Variants in CRYBG1 observed in about 807,000 individuals in gnomAD.
The protein encoded by CRYBG1 is crystallin beta-gamma domain containing 1, also known as beta/gamma crystallin domain-containing protein 1.
A neutral mutation model predicts 189.2 loss-of-function variants in CRYBG1; 139 were observed. The observed-to-expected ratio is 0.73, with a 90% CI of 0.64 to 0.85. CRYBG1 has a LOEUF of 0.85. Ranked by LOEUF, CRYBG1 falls within the 40% of genes least tolerant of loss-of-function variation. The pLI, the probability that CRYBG1 is intolerant of heterozygous loss-of-function variation, is 0.00. For synonymous variants in CRYBG1, 1,023 were observed against 1,017.1 expected (o/e 1.01, Z -0.11); for missense variants, 2,611 against 2,675.8 (o/e 0.98, Z 0.53).
At chr6:106,484,557 C>A (rs1177372784) in intron 2 of CRYBG1, among the ~76,000 whole-genome samples, 1 of 152,126 alleles carries the variant, frequency 6.6e-6, no homozygotes, top group African/African-American at 2.4e-5. Context: ...TGGCCTTGAG[C>A]GATCTTCCTG....
intron 2 of CRYBG1, among the ~76,000 whole-genome samples, chr6:106,460,974 A>T (rs1771998876): frequency 6.6e-6 from 1 of 152,116 alleles, no homozygotes; most frequent in Admixed American, 6.5e-5. Flanking sequence ...TTCAGTAGAG[A>T]CAGGGTTTCA....
chr6:106,513,814 G>T (rs959136214), intron 3 of CRYBG1, among the ~76,000 whole-genome samples: 1 of 152,178 alleles, frequency 6.6e-6, no homozygotes. Flanking sequence ...TATCTTGGTT[G>T]CTTCTTCCTC....
Position 106,512,766 on chromosome 6 carries a change from C to T in CRYBG1, c.1649C>T (p.Pro550Leu). The T allele has an allele frequency of 1.3e-6, 2 of 1,579,708 alleles. No homozygotes were observed. Residue 550 changes from proline (P) to leucine (L), a missense_variant, in exon 3 of 22, where the codon CCA becomes CTA. Physicochemically the swap from Pro to Leu is moderately conservative, Grantham distance 98. Transcript: ENST00000633556. ...SPPKRVPDPS[P>L]VTKGTAAESG... ...CCCAAGAGGGTGCCCGATCCCAGCC[C>T]AGTCACCAAGGGCACTGCGGCCGAG...
chr6:106,570,608 T>G lies in CRYBG1; in HGVS notation c.*2042T>G, dbSNP rs962981154. ...TTTGCTGACCACTCTCTTTCCAAAC[T>G]CCATAGTTTCTGAGTGGAAACGAGG... is the stretch of plus-strand genomic sequence containing the variant. On this transcript the variant is annotated 3_prime_UTR_variant, in exon 22 of 22. Transcript: ENST00000633556. 3.9e-5 allele frequency: 6 copies of G among 152,172 alleles called. No homozygotes were observed. Among genetic ancestry groups the G allele is most frequent in the Non-Finnish European group, 8.8e-5 (6 of 68,042 alleles). The allele number at this position is 152,172 out of a possible 1,614,324, so 9.4% of individuals were successfully genotyped here.
In CRYBG1 at chr6:106,561,486, T is replaced by C. The variant is rs774192895; in HGVS notation, c.6124T>C (p.Cys2042Arg). 1 of 1,612,642 alleles carries C rather than the reference T, an allele frequency of 6.2e-7. No individual in the cohort carries two copies. The highest frequency in any genetic ancestry group is 1.7e-5 in the Admixed American group (1 of 59,922). The part of the protein sequence containing the change: ...DDQIWIYQEG[C>R]IKCRIAEDCC... ...TCAGATTTGGATCTATCAAGAAGGA[T>C]GTATCAAATGCAGGGTGAGCTTTAG... The change falls in exon 20 of 22, where the codon TGT (cysteine) becomes CGT (arginine). Residue 2042 changes from cysteine (C) to arginine (R), a missense_variant. By Grantham distance (180) the Cys-to-Arg change is radical. Around this residue, in one of 3 missense-constraint regions of CRYBG1, gnomAD observed 1,622 missense variants for 1,735.0 expected, o/e 0.93. Transcript: ENST00000633556.
Position 106,522,562 on chromosome 6 carries a change from A to G in CRYBG1, c.4245+1109A>G, listed in dbSNP as rs377720003. 1.5e-4 allele frequency among the ~76,000 whole-genome samples: 23 copies of G among 152,320 alleles called. No homozygotes were observed. The East Asian group carries it at 2.7e-3, about 18-fold the overall frequency. On this transcript the variant is annotated intron_variant, in intron 4 of 21. Transcript: ENST00000633556. The stretch of plus-strand genomic sequence containing the variant: ...TTACCAAGCTTATTTAAGGTGAGAA[A>G]GGACTATGAGAGAGGAAGGTGGAAT...
intron 2 of CRYBG1, among the ~76,000 whole-genome samples, chr6:106,511,094 T>G (rs969815667): frequency 2.0e-5 from 3 of 152,210 alleles, no homozygotes; most frequent in Non-Finnish European, 2.9e-5. Context: ...GCATCTTTAT[T>G]GAGGAAGAAG....
Position 106,569,067 on chromosome 6 carries a change from C to T in CRYBG1, c.*501C>T, listed in dbSNP as rs11537704. 0.12 allele frequency: 18,430 copies of T among 153,626 alleles called. 1,142 individuals are homozygous for T. The highest frequency in any genetic ancestry group is 0.13 in the Non-Finnish European group (9,275 of 68,956). The allele number at this position is 153,626 out of a possible 1,614,324, so 9.5% of individuals were successfully genotyped here. A position where few individuals can be genotyped will look rare whatever the true frequency, so the allele number is the denominator to read the frequency against. On this transcript the variant is annotated 3_prime_UTR_variant, in exon 22 of 22. Transcript: ENST00000633556. ...TGTAATTTTGGTTCTTGGCCTTAAACACTTTCTGGAACCTTTAAATATGCT... is the reference window on the plus strand; with the variant it reads ...TGTAATTTTGGTTCTTGGCCTTAAATACTTTCTGGAACCTTTAAATATGCT...
At chr6:106,433,790 TACACACACATAC>T (rs1771398027) in intron 1 of CRYBG1, among the ~76,000 whole-genome samples, 1 of 139,050 alleles carries the variant, frequency 7.2e-6, no homozygotes, top group African/African-American at 2.7e-5. Context: ...TATATAAACA[TACACACACATAC>T]ATATACATAC....
At chr6:106,363,066 A>G (rs1771910310) in intron 1 of CRYBG1, among the ~76,000 whole-genome samples, 2 of 151,472 alleles carry the variant, frequency 1.3e-5, no homozygotes, top group Non-Finnish European at 2.9e-5. Context: ...TAACACGGTG[A>G]AACCCCGTCT....
intron 1 of CRYBG1, among the ~76,000 whole-genome samples, chr6:106,424,960 C>T (rs746197367): frequency 4.6e-5 from 7 of 152,146 alleles, no homozygotes; most frequent in South Asian, 2.1e-4. Flanking sequence ...AGAAAAATCC[C>T]GCAGACTCTC....
rs755090025 is a variant in CRYBG1, at chr6:106,370,453, G to C, written c.173+9372G>C. 7.2e-5 allele frequency among the ~76,000 whole-genome samples: 11 copies of C among 152,308 alleles called. No homozygotes were observed. In the South Asian group the frequency reaches 1.7e-3, roughly 23 times the overall value. On this transcript the variant is annotated intron_variant, in intron 1 of 21. Coordinates refer to ENST00000633556, the MANE Select transcript of CRYBG1 (RefSeq NM_001371242.2). ...TTGCTGCAGAAAGCTGCTCCTGGCT[G>C]CTCTAACTTTAGGCCTCTAGAAGCC...
intron 2 of CRYBG1, among the ~76,000 whole-genome samples, chr6:106,475,314 C>T (rs1772312423): frequency 1.3e-5 from 2 of 151,988 alleles, no homozygotes; most frequent in Non-Finnish European, 2.9e-5. Flanking sequence ...ATGTATAAAC[C>T]GAATGGGAGG....
At position 106,548,724 on chromosome 6, in the gene CRYBG1, G is replaced by A. The variant is rs191569307; in HGVS notation, c.5313-3128G>A. Reference sequence around the variant, plus strand: ...TTTTTAAAGTCCTAGTGTTTGTAACGTAGATTTTCTTTTTTTTTAAATTTT... The same window carrying A: ...TTTTTAAAGTCCTAGTGTTTGTAACATAGATTTTCTTTTTTTTTAAATTTT... On this transcript the variant is annotated intron_variant, in intron 13 of 21. Coordinates refer to ENST00000633556, the MANE Select transcript of CRYBG1 (RefSeq NM_001371242.2). Among the ~76,000 whole-genome samples the A allele has an allele frequency of 2.4e-4, 36 of 151,892 alleles. No individual in the cohort carries two copies. In the East Asian group the frequency reaches 6.2e-3, roughly 26 times the overall value.
At chr6:106,481,534 C>A (rs1045769565) in intron 2 of CRYBG1, among the ~76,000 whole-genome samples, 7 of 151,670 alleles carry the variant, frequency 4.6e-5, no homozygotes, top group African/African-American at 1.7e-4. Flanking sequence ...CTCTCGATAT[C>A]TTTACCTTCT....
At chr6:106,411,148 T>G (rs1173376747) in intron 1 of CRYBG1, among the ~76,000 whole-genome samples, 1 of 152,230 alleles carries the variant, frequency 6.6e-6, no homozygotes, top group Non-Finnish European at 1.5e-5. Flanking sequence ...TTGTACATGA[T>G]CAGAAAGCAC....
intron 1 of CRYBG1, among the ~76,000 whole-genome samples, chr6:106,371,599 G>A (rs937287323): frequency 1.8e-4 from 27 of 152,224 alleles, no homozygotes; most frequent in Non-Finnish European, 7.3e-5. Flanking sequence ...TTTGTCTGGA[G>A]TGGACTCAAT....
At chr6:106,482,124 G>T (rs1772476149) in intron 2 of CRYBG1, among the ~76,000 whole-genome samples, 1 of 152,196 alleles carries the variant, frequency 6.6e-6, no homozygotes, top group Non-Finnish European at 1.5e-5. Flanking sequence ...TTTCATCTGA[G>T]GCTTGGGGTC....
At chr6:106,411,381 AG>A (rs1385679480) in intron 1 of CRYBG1, among the ~76,000 whole-genome samples, 1 of 152,184 alleles carries the variant, frequency 6.6e-6, no homozygotes, top group Non-Finnish European at 1.5e-5. Flanking sequence ...GTTAACCTAG[AG>A]GCAGCTTAGC....
Sources: gnomAD v4.1 joint callset for allele counts (sites outside exome capture counted in the v4.1 genomes callset) on GRCh38, gnomAD v4.1.1 for gene constraint, gnomAD v4.1.1 regional missense constraint, MANE v1.5 for transcripts, NCBI Gene and HGNC (gene_info 2026-07-23, HGNC 2026-07-21) for gene names.